GLP2R: variants seen among roughly 807,000 people sequenced by gnomAD.
GLP2R encodes glucagon-like peptide 2 receptor.
A neutral mutation model predicts 68.2 loss-of-function variants in GLP2R; 59 were observed. The ratio of observed to expected loss-of-function variants is 0.87; its 90% CI spans 0.70 to 1.07. The LOEUF is 1.07. Among genes scored for constraint, GLP2R ranks in the 50% least tolerant of loss-of-function variants. GLP2R has a pLI of 0.00. For missense variants in GLP2R, 548 were observed against 677.4 expected (o/e 0.81, Z 2.12); for synonymous variants, 270 against 265.4 (o/e 1.02, Z -0.17).
chr17:9,862,291 C>T (rs565298769), intron 9 of GLP2R, among the ~76,000 whole-genome samples: 1 of 152,310 alleles, frequency 6.6e-6, no homozygotes, highest in Non-Finnish European at 1.5e-5. Context: ...TTGTAAGCCT[C>T]CTTCTCTCTG....
chr17:9,866,032 A>G, intron 9 of GLP2R: 2 of 416,166 alleles, frequency 4.8e-6, no homozygotes, highest in South Asian at 1.8e-5. Flanking sequence ...CCCAATCTGC[A>G]CAGCTCTAGG....
chr17:9,889,886 T>C lies in GLP2R; in HGVS notation c.*181T>C, dbSNP rs1019787503. The C allele has an allele frequency of 6.3e-6, 4 of 639,246 alleles. No individual in the cohort carries two copies. Among genetic ancestry groups the C allele is most frequent in the Non-Finnish European group, 1.1e-5 (4 of 355,808 alleles). 39.6% of individuals were successfully genotyped at this position (639,246 alleles called of 1,614,324 possible). A position where few individuals can be genotyped will look rare whatever the true frequency, so the allele number is the denominator to read the frequency against. On this transcript the variant is annotated 3_prime_UTR_variant, in exon 13 of 13. Coordinates refer to ENST00000262441, the MANE Select transcript of GLP2R (RefSeq NM_004246.3). ...TCTGTATGAAAGAGGCTGTGTGTCA[T>C]GCTCACAGCCTCTGCCTGCTCTTCT...
At chr17:9,873,659 A>T (rs987426876) in intron 10 of GLP2R, among the ~76,000 whole-genome samples, 7 of 146,644 alleles carry the variant, frequency 4.8e-5, no homozygotes, top group Admixed American at 1.4e-4. Context: ...GGGCTCAGGG[A>T]AGCCAAAAGG....
At chr17:9,831,953 G>A (rs2066683855) in intron 1 of GLP2R, among the ~76,000 whole-genome samples, 2 of 152,166 alleles carry the variant, frequency 1.3e-5, no homozygotes, top group Non-Finnish European at 2.9e-5. Flanking sequence ...TGCCAAAGAC[G>A]ACAGACCAGA....
In GLP2R at chr17:9,890,203, G is replaced by C. The variant is rs1180576852; in HGVS notation, c.*498G>C. The stretch of plus-strand genomic sequence containing the variant: ...GCCAGGAATTGGAGCTGTTTAATAA[G>C]CATCCCAGGTAATTCTGCTGCAAGC... On this transcript the variant is annotated 3_prime_UTR_variant, in exon 13 of 13. Coordinates refer to ENST00000262441, the MANE Select transcript of GLP2R (RefSeq NM_004246.3). 2 of 374,970 alleles carry C rather than the reference G, an allele frequency of 5.3e-6. No individual in the cohort carries two copies. Among genetic ancestry groups the C allele is most frequent in the East Asian group, 1.5e-4 (2 of 13,486 alleles). The allele number at this position is 374,970 out of a possible 1,614,324, so 23.2% of individuals were successfully genotyped here.
chr17:9,852,829 T>C, intron 4 of GLP2R: 1 of 322,930 alleles, frequency 3.1e-6, no homozygotes, highest in Non-Finnish European at 5.9e-6. Flanking sequence ...ATCATCATCA[T>C]CTTCTCCATC....
intron 9 of GLP2R, among the ~76,000 whole-genome samples, chr17:9,863,544 C>T (rs999035816): frequency 9.9e-5 from 15 of 152,220 alleles, no homozygotes; most frequent in African/African-American, 1.7e-4. Context: ...CCAGCCCCCA[C>T]GCCTGCCATA....
chr17:9,855,122 A>T (rs2066923779), intron 5 of GLP2R, among the ~76,000 whole-genome samples: 1 of 152,226 alleles, frequency 6.6e-6, no homozygotes, highest in Admixed American at 6.5e-5. Context: ...ACAGTGGAAA[A>T]CAAAAGTGTG....
chr17:9,850,406 A>G (rs2066880556), intron 4 of GLP2R, among the ~76,000 whole-genome samples: 1 of 152,200 alleles, frequency 6.6e-6, no homozygotes, highest in Admixed American at 6.5e-5. Context: ...CCACAAGTGC[A>G]TGCATTTCTT....
At position 9,844,668 on chromosome 17, in the gene GLP2R, C is replaced by CTTTTTTTTTTTTTTTTTTT. The variant is rs71139004; in HGVS notation, c.504+2072_504+2090dup. Among the ~76,000 whole-genome samples the CTTTTTTTTTTTTTTTTTTT allele has an allele frequency of 2.9e-4, 13 of 44,316 alleles. 3 individuals carry two copies. The highest frequency in any genetic ancestry group is 5.6e-4 in the Non-Finnish European group (12 of 21,402). 29.1% of individuals were successfully genotyped at this position (44,316 alleles called of 152,430 possible). A position where few individuals can be genotyped will look rare whatever the true frequency, so the allele number is the denominator to read the frequency against. ...ATTCTCAATATTTTACTACCTAATT[C>CTTTTTTTTTTTTTTTTTTT]TTTTTTTTTTTTTTTTTTTTTTTTT... On this transcript the variant is annotated intron_variant, in intron 4 of 12. Coordinates refer to ENST00000262441, the MANE Select transcript of GLP2R (RefSeq NM_004246.3).
intron 9 of GLP2R, among the ~76,000 whole-genome samples, chr17:9,869,759 G>C (rs2152043455): frequency 6.6e-6 from 1 of 152,248 alleles, no homozygotes; most frequent in East Asian, 1.9e-4. Context: ...GAGAGAGCTG[G>C]GTGGAAGCCA....
At chr17:9,851,912 C>A (rs1351231359) in intron 4 of GLP2R, among the ~76,000 whole-genome samples, 1 of 151,628 alleles carries the variant, frequency 6.6e-6, no homozygotes, top group African/African-American at 2.4e-5. Context: ...CAACATACTT[C>A]TAAATAACCC....
At chr17:9,860,698 C>T (rs2152039928) in intron 7 of GLP2R, among the ~76,000 whole-genome samples, 1 of 152,256 alleles carries the variant, frequency 6.6e-6, no homozygotes, top group Non-Finnish European at 1.5e-5. Context: ...CAACATCTGA[C>T]TTTTGAGAGG....
intron 11 of GLP2R, 87 bp from the exon 12 acceptor site, chr17:9,887,845 C>CTG: frequency 4.3e-6 from 4 of 925,548 alleles, no homozygotes; most frequent in Admixed American, 1.7e-5. Context: ...TCCTTACGAC[C>CTG]TGTGCAGGGC....
rs1333593461 is a variant in GLP2R at position 9,889,655 on chromosome 17, G to A, written c.1612G>A (p.Val538Ile). Residue 538 changes from valine (V) to isoleucine (I), a missense_variant, in exon 13 of 13, where the codon GTC becomes ATC. Coordinates refer to ENST00000262441, the MANE Select transcript of GLP2R (RefSeq NM_004246.3). ...CCTGTCCGAGTGCAGTGAGGGGGAT[G>A]TCACCATGGCCAACACCATGGAGGA... is the stretch of plus-strand genomic sequence containing the variant. Reference protein sequence around the residue: ...SSLSECSEGDVTMANTMEEIL... With the variant: ...SSLSECSEGDITMANTMEEIL... 6.2e-7 allele frequency: 1 copy of A among 1,608,112 alleles called. No individual in the cohort carries two copies. The highest frequency in any genetic ancestry group is 1.7e-5 in the Admixed American group (1 of 59,366).
intron 11 of GLP2R, 124 bp from the exon 12 acceptor site, chr17:9,887,808 A>G: frequency 1.3e-6 from 1 of 771,716 alleles, no homozygotes; most frequent in Non-Finnish European, 2.4e-6. Flanking sequence ...AGTGTAAGCA[A>G]TGCAGTTGCA....
intron 1 of GLP2R, among the ~76,000 whole-genome samples, chr17:9,832,847 A>C (rs1371635738): frequency 2.0e-5 from 3 of 152,254 alleles, no homozygotes; most frequent in Non-Finnish European, 4.4e-5. Context: ...CTATATTTCC[A>C]AGGTTCAGTG....
At chr17:9,867,403 G>C (rs1407351543) in intron 9 of GLP2R, among the ~76,000 whole-genome samples, 1 of 152,222 alleles carries the variant, frequency 6.6e-6, no homozygotes, top group East Asian at 1.9e-4. Context: ...GTTGGTACAA[G>C]GTTGCCTGTG....
chr17:9,847,753 G>A (rs941865638), intron 4 of GLP2R, among the ~76,000 whole-genome samples: 3 of 152,224 alleles, frequency 2.0e-5, no homozygotes, highest in South Asian at 2.1e-4. Flanking sequence ...GGTTCTACAC[G>A]TTTCATAAAC....
Sources: allele counts gnomAD v4.1 joint callset (sites outside exome capture counted in the v4.1 genomes callset), GRCh38; gene constraint gnomAD v4.1.1; transcripts MANE v1.5; gene names NCBI Gene and HGNC (gene_info 2026-07-23, HGNC 2026-07-21).